Variants in CALN1 observed in about 807,000 individuals in gnomAD.
CALN1 encodes the protein calcium-binding protein 8.
Under a neutral mutation model 30.6 loss-of-function variants are expected in CALN1, and 17 were observed. That is an observed-to-expected ratio of 0.56 (90% CI 0.38 to 0.83). CALN1 has a LOEUF of 0.83. Ranked by LOEUF, CALN1 falls within the 40% of genes least tolerant of loss-of-function variation. The probability of loss-of-function intolerance (pLI) is 0.00; values close to 1 mark genes in which losing one functional copy is unlikely to be tolerated. For synonymous variants in CALN1, 156 were observed against 131.4 expected (o/e 1.19, Z -1.28); for missense variants, 291 against 354.9 (o/e 0.82, Z 1.45).
chr7:72,011,013 C>T lies in CALN1; in HGVS notation c.501+12644G>A, dbSNP rs1396872013. On this transcript the variant is annotated intron_variant, in intron 5 of 6. Transcript: ENST00000395275. ...TCTAAAAATACAAAAATTAGCTGGGCGTGTTGGCACGCACCTGTAGTCCCA... is the reference window on the plus strand; with the variant it reads ...TCTAAAAATACAAAAATTAGCTGGGTGTGTTGGCACGCACCTGTAGTCCCA... Among the ~76,000 whole-genome samples the T allele has an allele frequency of 4.0e-5, 6 of 151,122 alleles. No homozygotes were observed. The South Asian group carries it at 6.3e-4, about 16-fold the overall frequency.
At chr7:71,966,395 G>T (rs905048579) in intron 5 of CALN1, among the ~76,000 whole-genome samples, 13 of 152,168 alleles carry the variant, frequency 8.5e-5, no homozygotes, top group Admixed American at 3.3e-4. Context: ...GAGGTGGGGT[G>T]GTGGGAGGTG....
chr7:71,951,610 CAAA>C (rs1339477030), intron 5 of CALN1, among the ~76,000 whole-genome samples: 1 of 152,056 alleles, frequency 6.6e-6, no homozygotes, highest in African/African-American at 2.4e-5. Flanking sequence ...CAAACAAAAA[CAAA>C]ACAACAACAA....
At chr7:72,474,448 G>C in the CALN1 span, among the ~76,000 whole-genome samples, 1 of 152,076 alleles carries the variant, frequency 6.6e-6, no homozygotes, top group African/African-American at 2.4e-5. Context: ...CACTTTGGGA[G>C]GCTGAGGTGG....
chr7:72,166,286 C>G (rs1365453643), intron 3 of CALN1, among the ~76,000 whole-genome samples: 1 of 152,192 alleles, frequency 6.6e-6, no homozygotes, highest in Non-Finnish European at 1.5e-5. Flanking sequence ...ACTGCAGCCT[C>G]TAACTCCTAG....
At chr7:72,105,814 G>C (rs1171318910) in intron 4 of CALN1, among the ~76,000 whole-genome samples, 1 of 108,214 alleles carries the variant, frequency 9.2e-6, no homozygotes, top group Non-Finnish European at 1.9e-5. Context: ...AGGAGGAGGA[G>C]GGGGAGGGAG....
chr7:72,089,583 T>C (rs1430828423), intron 4 of CALN1, among the ~76,000 whole-genome samples: 1 of 152,152 alleles, frequency 6.6e-6, no homozygotes, highest in Non-Finnish European at 1.5e-5. Flanking sequence ...GTGTACCGTA[T>C]TCCTGGAAGG....
the CALN1 span, among the ~76,000 whole-genome samples, chr7:72,496,799 A>G: frequency 6.6e-6 from 1 of 152,152 alleles, no homozygotes; most frequent in Non-Finnish European, 1.5e-5. Flanking sequence ...GGATTCCTTA[A>G]GCCCAGGAAG....
chr7:72,278,472 T>TACACACACACACACACAC (rs59010102), intron 3 of CALN1, among the ~76,000 whole-genome samples: 221 of 144,080 alleles, frequency 1.5e-3, no homozygotes, highest in Middle Eastern at 3.6e-3. Context: ...ATCAGGTCTG[T>TACACACACACACACACAC]ACACACACAC....
intron 5 of CALN1, among the ~76,000 whole-genome samples, chr7:71,816,755 G>A (rs868745238): frequency 6.6e-6 from 1 of 152,110 alleles, no homozygotes; most frequent in African/African-American, 2.4e-5. Flanking sequence ...CGATCACGAG[G>A]TCAGGAGTTC....
rs956864163 is a variant in CALN1 at position 72,337,240 on chromosome 7, C to T, written c.120-58430G>A. The T allele has an allele frequency of 4.1e-6, 4 of 985,146 alleles. No individual in the cohort carries two copies. The African/African-American group carries it at 7.0e-5, about 17-fold the overall frequency. 61.0% of individuals were successfully genotyped at this position (985,146 alleles called of 1,614,324 possible). A position where few individuals can be genotyped will look rare whatever the true frequency, so the allele number is the denominator to read the frequency against. On this transcript the variant is annotated intron_variant, in intron 2 of 6. Coordinates refer to ENST00000395275, the MANE Select transcript of CALN1 (RefSeq NM_031468.4). ...TTGCCGCCGACAGCACCACACTCCT[C>T]GCTCTGCCGGCGCCCGCGTTCAGGA...
At chr7:72,306,947 G>A (rs1342451944) in intron 2 of CALN1, among the ~76,000 whole-genome samples, 1 of 152,158 alleles carries the variant, frequency 6.6e-6, no homozygotes, top group Admixed American at 6.5e-5. Context: ...CCCATCTCCA[G>A]ATAGCATCAC....
rs118136329 is a variant in CALN1, at chr7:72,002,996, C to G, written c.501+20661G>C. On this transcript the variant is annotated intron_variant, in intron 5 of 6. Transcript: ENST00000395275. The stretch of plus-strand genomic sequence containing the variant: ...CTATTATATAATATGGTGGCTATAG[C>G]TAACAGTCTATTGTACACTTGAAAT... Among the ~76,000 whole-genome samples the G allele has an allele frequency of 5.0e-3, 760 of 152,210 alleles. 1 individual carries two copies. Among genetic ancestry groups the G allele is most frequent in the Non-Finnish European group, 7.9e-3 (540 of 68,004 alleles).
intron 5 of CALN1, among the ~76,000 whole-genome samples, chr7:71,846,862 G>GTATATATAATATATACACACATA (rs1790279099): frequency 6.4e-5 from 9 of 141,202 alleles, no homozygotes; most frequent in Non-Finnish European, 1.2e-4. Context: ...ATGTATATAT[G>GTATATATAATATATACACACATA]TATGTATATA....
chr7:71,876,094 G>GA (rs970033191), intron 5 of CALN1, among the ~76,000 whole-genome samples: 9 of 150,648 alleles, frequency 6.0e-5, no homozygotes, highest in East Asian at 3.9e-4. Flanking sequence ...AACAGGGAAA[G>GA]AAAAAAAAAT....
chr7:71,965,001 A>C (rs1055840196), intron 5 of CALN1, among the ~76,000 whole-genome samples: 1 of 152,136 alleles, frequency 6.6e-6, no homozygotes, highest in African/African-American at 2.4e-5. Context: ...GGGGAAAATA[A>C]GAATGTTTTC....
chr7:72,411,804 T>TA (rs143230775), intron 1 of CALN1, among the ~76,000 whole-genome samples: 1 of 152,056 alleles, frequency 6.6e-6, no homozygotes, highest in African/African-American at 2.4e-5. Flanking sequence ...TCTTTTAAAG[T>TA]AATAAGAAAA....
At chr7:72,043,529 G>C (rs1392551356) in intron 4 of CALN1, among the ~76,000 whole-genome samples, 2 of 152,202 alleles carry the variant, frequency 1.3e-5, no homozygotes, top group Non-Finnish European at 2.9e-5. Flanking sequence ...AATAAGTTGT[G>C]AGGCTGAGCT....
chr7:72,199,096 G>A (rs1791237023), intron 3 of CALN1, among the ~76,000 whole-genome samples: 1 of 152,140 alleles, frequency 6.6e-6, no homozygotes, highest in Non-Finnish European at 1.5e-5. Flanking sequence ...CCAACATGGT[G>A]AAAGCCCATC....
chr7:72,371,416 C>G (rs907555713), intron 2 of CALN1, among the ~76,000 whole-genome samples: 3 of 152,094 alleles, frequency 2.0e-5, no homozygotes, highest in Admixed American at 6.5e-5. Flanking sequence ...GAGCACTTAC[C>G]CTCATGCTGT....
Sources: allele counts gnomAD v4.1 joint callset (sites outside exome capture counted in the v4.1 genomes callset), GRCh38; gene constraint gnomAD v4.1.1; transcripts MANE v1.5; gene names NCBI Gene and HGNC (gene_info 2026-07-23, HGNC 2026-07-21).